TRHDE: variants seen among roughly 807,000 people sequenced by gnomAD.
TRHDE encodes the protein thyrotropin releasing hormone degrading enzyme.
Under a neutral mutation model 125.7 loss-of-function variants are expected in TRHDE, and 72 were observed. The ratio of observed to expected loss-of-function variants is 0.57; its 90% CI spans 0.47 to 0.70. The LOEUF is 0.70. Among genes scored for constraint, TRHDE ranks in the 30% least tolerant of loss-of-function variants. The pLI, the probability that TRHDE is intolerant of heterozygous loss-of-function variation, is 0.00. For synonymous variants in TRHDE, 509 were observed against 509.1 expected (o/e 1.00, Z 0.00); for missense variants, 1,110 against 1,327.1 (o/e 0.84, Z 2.54).
At chr12:72,469,540 G>C (rs1876543906) in intron 3 of TRHDE, among the ~76,000 whole-genome samples, 1 of 152,178 alleles carries the variant, frequency 6.6e-6, no homozygotes, top group Non-Finnish European at 1.5e-5. Flanking sequence ...CACTGGGCTT[G>C]AAAATGAACT....
intron 2 of TRHDE, among the ~76,000 whole-genome samples, chr12:72,156,143 A>T (rs1045529699): frequency 1.3e-5 from 2 of 152,056 alleles, no homozygotes; most frequent in African/African-American, 4.8e-5. Flanking sequence ...TTGATCTCAG[A>T]CTGCTGTGCT....
chr12:72,609,963 A>G (rs1872574032), intron 12 of TRHDE, among the ~76,000 whole-genome samples: 2 of 152,104 alleles, frequency 1.3e-5, no homozygotes, highest in Non-Finnish European at 2.9e-5. Flanking sequence ...GCAGAATTCC[A>G]TACTACCTTT....
chr12:72,115,156 G>A (rs549794184), intron 2 of TRHDE, among the ~76,000 whole-genome samples: 45 of 151,710 alleles, frequency 3.0e-4, no homozygotes, highest in Non-Finnish European at 5.7e-4. Flanking sequence ...TCCATGTTGT[G>A]CTATCAAATA....
At chr12:72,572,050 T>C (rs969584162) in intron 10 of TRHDE, among the ~76,000 whole-genome samples, 2 of 142,982 alleles carry the variant, frequency 1.4e-5, no homozygotes, top group East Asian at 4.3e-4. Flanking sequence ...GCTTTACGGA[T>C]CTGTCAGTTA....
chr12:72,411,147 G>T (rs1044559187), intron 3 of TRHDE, among the ~76,000 whole-genome samples: 2 of 149,652 alleles, frequency 1.3e-5, no homozygotes, highest in Non-Finnish European at 3.0e-5. Context: ...AGCTTGCAGT[G>T]AGCCGAGATT....
In TRHDE at chr12:72,565,921, A is replaced by C. The variant is rs1870419873; in HGVS notation, c.2043-2647A>C. 2.0e-5 allele frequency among the ~76,000 whole-genome samples: 3 copies of C among 152,046 alleles called. No homozygotes were observed. In the South Asian group the frequency reaches 6.2e-4, roughly 31 times the overall value. Reference sequence around the variant, plus strand: ...TGATGAAAATTCAAGTTAAACCGAAACAGCTGGAACACAATCTAATTTCCT... The same window carrying C: ...TGATGAAAATTCAAGTTAAACCGAACCAGCTGGAACACAATCTAATTTCCT... On this transcript the variant is annotated intron_variant, in intron 9 of 18. Transcript: ENST00000261180.
intron 2 of TRHDE, among the ~76,000 whole-genome samples, chr12:72,344,999 C>T (rs1293797140): frequency 6.6e-6 from 1 of 152,050 alleles, no homozygotes; most frequent in Non-Finnish European, 1.5e-5. Context: ...GATTATAATT[C>T]CTACGTGGTT....
rs533710766 is a variant in TRHDE, at chr12:72,241,403, G to A, written n.279+135651G>A. ...GTGTCATGTAAATGGAATCTATATT[G>A]TATAACCTTTTGAGATTGGCTTCTT... On this transcript the variant is annotated intron_variant and non_coding_transcript_variant, in intron 2 of 4. Coordinates refer to the TRHDE transcript ENST00000548156. 3.3e-5 allele frequency among the ~76,000 whole-genome samples: 5 copies of A among 152,176 alleles called. No homozygotes were observed. The South Asian group carries it at 8.3e-4, about 25-fold the overall frequency.
intron 2 of TRHDE, among the ~76,000 whole-genome samples, chr12:72,291,341 G>A (rs550005409): frequency 3.9e-5 from 6 of 152,152 alleles, no homozygotes; most frequent in Non-Finnish European, 5.9e-5. Flanking sequence ...TCACTAGCCC[G>A]CAGCAATTCT....
intron 3 of TRHDE, among the ~76,000 whole-genome samples, chr12:72,452,300 C>A (rs899318078): frequency 6.6e-6 from 1 of 152,074 alleles, no homozygotes; most frequent in African/African-American, 2.4e-5. Flanking sequence ...TTGTATCCTG[C>A]AACTTTACTG....
rs535623294 is a variant in TRHDE, at chr12:72,281,681, T to C, written c.915-5000T>C. Among the ~76,000 whole-genome samples, 5 of 152,348 alleles carry C rather than the reference T, an allele frequency of 3.3e-5. No individual in the cohort carries two copies. The South Asian group carries it at 1.0e-3, about 32-fold the overall frequency. On this transcript the variant is annotated intron_variant, in intron 1 of 18. Coordinates refer to ENST00000261180, the MANE Select transcript of TRHDE (RefSeq NM_013381.3). ...TGAATCAATCTGAATACTAACAGTG[T>C]TATGCAAATGTTTGTTTCCTCTGCA...
intron 7 of TRHDE, among the ~76,000 whole-genome samples, chr12:72,545,380 T>G (rs1328339835): frequency 6.6e-6 from 1 of 151,526 alleles, no homozygotes; most frequent in East Asian, 1.9e-4. Context: ...TCTCTTGACC[T>G]CTGACATTAC....
At chr12:72,331,986 C>G (rs935604893) in intron 2 of TRHDE, among the ~76,000 whole-genome samples, 1 of 152,134 alleles carries the variant, frequency 6.6e-6, no homozygotes, top group African/African-American at 2.4e-5. Context: ...TTTATTGGCT[C>G]ACTGTTCTGT....
intron 2 of TRHDE, among the ~76,000 whole-genome samples, chr12:72,323,725 A>T (rs1281085891): frequency 5.3e-5 from 8 of 152,176 alleles, no homozygotes; most frequent in Non-Finnish European, 7.4e-5. Context: ...AAATAGTTAC[A>T]GAACGAGACA....
intron 2 of TRHDE, chr12:72,256,888 T>A (rs1878826874): frequency 6.6e-6 from 1 of 152,182 alleles, no homozygotes; most frequent in Non-Finnish European, 1.5e-5. Context: ...CTCCCCTGGA[T>A]GAAAGCAAAT....
chr12:72,450,473 A>G lies in TRHDE; in HGVS notation c.1316-19285A>G, dbSNP rs116890787. 5.8e-3 allele frequency among the ~76,000 whole-genome samples: 876 copies of G among 152,192 alleles called. 8 individuals carry two copies. Among genetic ancestry groups the G allele is most frequent in the Non-Finnish European group, 9.5e-3 (646 of 67,948 alleles). ...TACAACATGATGTTTTGAAATATGC[A>G]TACATCGTGGAATGGCTAAGTCAAG... is the stretch of plus-strand genomic sequence containing the variant. On this transcript the variant is annotated intron_variant, in intron 3 of 18. Transcript: ENST00000261180.
intron 2 of TRHDE, among the ~76,000 whole-genome samples, chr12:72,164,371 C>T (rs1179269118): frequency 6.6e-6 from 1 of 152,122 alleles, no homozygotes; most frequent in East Asian, 1.9e-4. Context: ...TGGTGTTGTG[C>T]TGAACTCTTA....
At chr12:72,616,070 T>C (rs1296969571) in intron 12 of TRHDE, among the ~76,000 whole-genome samples, 2 of 152,082 alleles carry the variant, frequency 1.3e-5, no homozygotes, top group African/African-American at 4.8e-5. Context: ...AGAGCATGGA[T>C]TTTGGTGAGC....
intron 2 of TRHDE, among the ~76,000 whole-genome samples, chr12:72,177,212 T>A (rs1046932313): frequency 2.0e-5 from 3 of 152,214 alleles, no homozygotes; most frequent in African/African-American, 7.2e-5. Flanking sequence ...ATTGGATTGC[T>A]TATATTTATA....
Sources: allele counts gnomAD v4.1 joint callset (sites outside exome capture counted in the v4.1 genomes callset), GRCh38; gene constraint gnomAD v4.1.1; transcripts MANE v1.5; gene names NCBI Gene and HGNC (gene_info 2026-07-23, HGNC 2026-07-21).